Variants in RCOR3 observed in about 807,000 individuals in gnomAD.
RCOR3 encodes the protein REST corepressor 3.
A neutral mutation model predicts 64.1 loss-of-function variants in RCOR3; 13 were observed. That is an observed-to-expected ratio of 0.20 (90% CI 0.13 to 0.32). The LOEUF (loss-of-function observed/expected upper bound fraction) is 0.32, where lower values mean the gene tolerates loss of function less well. Among genes scored for constraint, RCOR3 ranks in the 10% least tolerant of loss-of-function variants. The pLI, the probability that RCOR3 is intolerant of heterozygous loss-of-function variation, is 1.00. For synonymous variants in RCOR3, 215 were observed against 239.0 expected (o/e 0.90, Z 0.93); for missense variants, 489 against 701.2 (o/e 0.70, Z 3.42).
chr1:211,277,786 T>C (rs1354766508), intron 5 of RCOR3, among the ~76,000 whole-genome samples: 1 of 152,220 alleles, frequency 6.6e-6, no homozygotes, highest in African/African-American at 2.4e-5. Context: ...ACCACTAATA[T>C]GTACACTTAA....
chr1:211,289,659 G>T (rs576133257), intron 8 of RCOR3, among the ~76,000 whole-genome samples: 1 of 152,124 alleles, frequency 6.6e-6, no homozygotes, highest in Non-Finnish European at 1.5e-5. Context: ...CTATAAAATC[G>T]GGGATAATAA....
At chr1:211,298,337 G>C (rs1700046870) in intron 9 of RCOR3, among the ~76,000 whole-genome samples, 1 of 152,106 alleles carries the variant, frequency 6.6e-6, no homozygotes, top group Non-Finnish European at 1.5e-5. Flanking sequence ...GGATAAGAGG[G>C]ATTTTTTTGC....
chr1:211,261,061 G>C (rs1411985655), intron 2 of RCOR3: 2 of 152,226 alleles, frequency 1.3e-5, no homozygotes, highest in Non-Finnish European at 2.9e-5. Context: ...ACCCTTCTCA[G>C]TTAAGGCTTT....
chr1:211,303,817 T>C, intron 9 of RCOR3: 1 of 253,686 alleles, frequency 3.9e-6, no homozygotes, highest in South Asian at 8.8e-5. Flanking sequence ...CTAATAGACT[T>C]TCTCATGTTT....
At position 211,259,638 on chromosome 1, in the gene RCOR3, AGGC is replaced by A; in HGVS notation, c.88_90del (p.Gly30del). The stretch of plus-strand genomic sequence containing the variant: ...CCAACGGCAGCGCCAAGAGCCCGGC[AGGC>A]GGCGGCGGCAGCGGCGCCTCGTCCA... On this transcript the variant is annotated inframe_deletion, in exon 1 of 12. Transcript: ENST00000419091. 3.2e-6 allele frequency: 5 copies of A among 1,545,986 alleles called. No individual in the cohort carries two copies. The highest frequency in any genetic ancestry group is 1.7e-4 in the Middle Eastern group (1 of 5,952).
intron 6 of RCOR3, 58 bp from the exon 7 acceptor site, chr1:211,279,180 G>A (rs1286199933): frequency 1.3e-4 from 147 of 1,134,702 alleles, no homozygotes; most frequent in Non-Finnish European, 3.0e-5. Flanking sequence ...AGAGTGAAAC[G>A]CTGTCTTAAA....
chr1:211,303,617 T>C (rs1571990001), intron 9 of RCOR3: 1 of 23,806 alleles, frequency 4.2e-5, no homozygotes, highest in African/African-American at 1.0e-4. Flanking sequence ...ATATTGGGGG[T>C]GTCTGGAGAA....
chr1:211,316,289 A>T lies in RCOR3; in HGVS notation c.*2521A>T, dbSNP rs1249346672. On this transcript the variant is annotated 3_prime_UTR_variant, in exon 12 of 12. Coordinates refer to ENST00000419091, the MANE Select transcript of RCOR3 (RefSeq NM_001136223.3). ...ATGATTTAATTCTAGTGTAATATGG[A>T]TGAGGTAAGAGTAAGTTATGATCAA... 1 of 152,174 alleles carries T rather than the reference A, an allele frequency of 6.6e-6. No homozygotes were observed. Among genetic ancestry groups the T allele is most frequent in the African/African-American group, 2.4e-5 (1 of 41,444 alleles). The allele number at this position is 152,174 out of a possible 1,614,324, so 9.4% of individuals were successfully genotyped here. A position where few individuals can be genotyped will look rare whatever the true frequency, so the allele number is the denominator to read the frequency against.
chr1:211,299,616 A>G (rs1700176351), intron 9 of RCOR3, among the ~76,000 whole-genome samples: 1 of 151,184 alleles, frequency 6.6e-6, no homozygotes, highest in Admixed American at 6.6e-5. Flanking sequence ...CGAAAATGGG[A>G]AAGATGTGAA....
rs1458286256 is a variant in RCOR3 at position 211,315,832 on chromosome 1, A to T, written c.*2064A>T. On this transcript the variant is annotated 3_prime_UTR_variant, in exon 12 of 12. Coordinates refer to ENST00000419091, the MANE Select transcript of RCOR3 (RefSeq NM_001136223.3). ...ATTTGATTTACATGCATTAGAGCACACAGTAGAAAAACTTTAGCTTCATTA... is the reference window on the plus strand; with the variant it reads ...ATTTGATTTACATGCATTAGAGCACTCAGTAGAAAAACTTTAGCTTCATTA... The T allele has an allele frequency of 1.3e-5, 2 of 152,242 alleles. No homozygotes were observed. Among genetic ancestry groups the T allele is most frequent in the Non-Finnish European group, 2.9e-5 (2 of 68,036 alleles). 9.4% of individuals were successfully genotyped at this position (152,242 alleles called of 1,614,324 possible).
At chr1:211,300,908 G>A (rs34574794) in intron 9 of RCOR3, among the ~76,000 whole-genome samples, 74,933 of 130,294 alleles carry the variant, frequency 0.58, 21,152 homozygotes, top group East Asian at 0.68. Context: ...TAGTGTGTAT[G>A]CGTGCGTGCG....
intron 8 of RCOR3, among the ~76,000 whole-genome samples, chr1:211,294,173 CAA>C (rs1167091821): frequency 6.6e-6 from 1 of 152,134 alleles, no homozygotes; most frequent in East Asian, 1.9e-4. Context: ...GTCAGCAAAA[CAA>C]AATGTACCCA....
At chr1:211,305,992 C>T (rs527266963) in intron 10 of RCOR3, among the ~76,000 whole-genome samples, 3 of 152,130 alleles carry the variant, frequency 2.0e-5, no homozygotes, top group African/African-American at 4.8e-5. Context: ...ATTGCATGTT[C>T]GCAGGATTTC....
chr1:211,294,711 T>C (rs1320878560), intron 8 of RCOR3, among the ~76,000 whole-genome samples: 1 of 149,968 alleles, frequency 6.7e-6, no homozygotes, highest in Non-Finnish European at 1.5e-5. Flanking sequence ...TGCCTCAGCC[T>C]CCTGAGTAGC....
intron 6 of RCOR3, among the ~76,000 whole-genome samples, chr1:211,278,694 C>T (rs1697352702): frequency 6.6e-6 from 1 of 152,020 alleles, no homozygotes; most frequent in Admixed American, 6.5e-5. Flanking sequence ...ATCCCTTTCC[C>T]ACTGGGTCTC....
chr1:211,282,796 G>T (rs1046875886), intron 7 of RCOR3, among the ~76,000 whole-genome samples: 1 of 152,130 alleles, frequency 6.6e-6, no homozygotes, highest in Non-Finnish European at 1.5e-5. Flanking sequence ...ACCGTGCCCG[G>T]CCTCAATTGC....
chr1:211,292,407 T>C (rs780236123), intron 8 of RCOR3, among the ~76,000 whole-genome samples: 15 of 152,220 alleles, frequency 9.9e-5, no homozygotes, highest in Non-Finnish European at 2.1e-4. Context: ...TTAAATGCAC[T>C]AAAAACATAA....
At chr1:211,265,419 T>G (rs1345664971) in intron 2 of RCOR3, among the ~76,000 whole-genome samples, 1 of 152,158 alleles carries the variant, frequency 6.6e-6, no homozygotes, top group African/African-American at 2.4e-5. Flanking sequence ...TTTTTTGTGC[T>G]TTGAAGTGCT....
rs1693798421 is a variant in RCOR3 at position 211,259,556 on chromosome 1, C to T, written c.-5C>T. 3 of 1,547,328 alleles carry T rather than the reference C, an allele frequency of 1.9e-6. No individual in the cohort carries two copies. Among genetic ancestry groups the T allele is most frequent in the Admixed American group, 2.0e-5 (1 of 50,838 alleles). On this transcript the variant is annotated 5_prime_UTR_variant, in exon 1 of 12. Transcript: ENST00000419091. ...CCCTCACCTTTCCCCCTCCCCTGTT[C>T]TACCATGCCCGGCATGATGGAGAAA...
Sources: allele counts gnomAD v4.1 joint callset (sites outside exome capture counted in the v4.1 genomes callset), GRCh38; gene constraint gnomAD v4.1.1; transcripts MANE v1.5; gene names NCBI Gene and HGNC (gene_info 2026-07-23, HGNC 2026-07-21).